Variants in TBC1D5 observed in about 807,000 individuals in gnomAD.
The protein encoded by TBC1D5 is TBC1 domain family, member 5.
Under a neutral mutation model 100.3 loss-of-function variants are expected in TBC1D5, and 75 were observed. That is an observed-to-expected ratio of 0.75 (90% confidence interval 0.62 to 0.91). The LOEUF is 0.91. Among genes scored for constraint, TBC1D5 ranks in the 40% least tolerant of loss-of-function variants. TBC1D5 has a pLI of 0.00. For missense variants in TBC1D5, 910 were observed against 942.4 expected, an observed-to-expected ratio of 0.97 and a Z score of 0.45; for synonymous variants, 323 against 325.6, an observed-to-expected ratio of 0.99 and a Z score of 0.09.
At chr3:17,238,897 T>TA (rs1282092774) in intron 16 of TBC1D5, among the ~76,000 whole-genome samples, 2 of 152,142 alleles carry the variant, frequency 1.3e-5, no homozygotes, top group Non-Finnish European at 2.9e-5. Flanking sequence ...GGCACATGGG[T>TA]ACTAGGTCAA....
At chr3:17,285,172 T>C (rs2081038133) in intron 15 of TBC1D5, among the ~76,000 whole-genome samples, 1 of 151,150 alleles carries the variant, frequency 6.6e-6, no homozygotes, top group Admixed American at 6.6e-5. Flanking sequence ...GACCGTCTGC[T>C]GGAAGCATTA....
chr3:17,242,243 A>G (rs1313786702), intron 16 of TBC1D5, among the ~76,000 whole-genome samples: 1 of 152,126 alleles, frequency 6.6e-6, no homozygotes, highest in African/African-American at 2.4e-5. Flanking sequence ...TTATCACATT[A>G]TCACCTCTAT....
intron 2 of TBC1D5, among the ~76,000 whole-genome samples, chr3:17,526,750 T>G (rs2153357637): frequency 6.6e-6 from 1 of 152,350 alleles, no homozygotes; most frequent in Admixed American, 6.5e-5. Flanking sequence ...CAGCACACTG[T>G]CACTACTCTA....
chr3:17,634,844 C>T (rs1443485872), intron 1 of TBC1D5, among the ~76,000 whole-genome samples: 2 of 152,030 alleles, frequency 1.3e-5, no homozygotes, highest in Non-Finnish European at 2.9e-5. Flanking sequence ...GTACCCTATA[C>T]TATGTACCCC....
At chr3:17,501,035 T>A (rs2095782183) in intron 3 of TBC1D5, among the ~76,000 whole-genome samples, 1 of 149,728 alleles carries the variant, frequency 6.7e-6, no homozygotes, top group Non-Finnish European at 1.5e-5. Flanking sequence ...ATTTTTAAAA[T>A]CCACGTATTT....
At chr3:17,667,023 G>A (rs2067342117) in intron 1 of TBC1D5, among the ~76,000 whole-genome samples, 1 of 152,120 alleles carries the variant, frequency 6.6e-6, no homozygotes, top group Non-Finnish European at 1.5e-5. Flanking sequence ...GACAGTGTGA[G>A]ATGTACATAT....
chr3:17,412,939 T>G (rs1484900536), intron 4 of TBC1D5, among the ~76,000 whole-genome samples: 3 of 152,086 alleles, frequency 2.0e-5, no homozygotes, highest in Admixed American at 1.3e-4. Flanking sequence ...TTCCTCAGAT[T>G]TTTAGTTTTT....
At chr3:17,480,084 C>T (rs1333434380) in intron 3 of TBC1D5, among the ~76,000 whole-genome samples, 2 of 152,322 alleles carry the variant, frequency 1.3e-5, no homozygotes, top group East Asian at 1.9e-4. Context: ...TGGCTGAGTC[C>T]GGGCACTATT....
chr3:17,521,952 G>A (rs942947637), intron 2 of TBC1D5, among the ~76,000 whole-genome samples: 1 of 152,052 alleles, frequency 6.6e-6, no homozygotes, highest in African/African-American at 2.4e-5. Flanking sequence ...TGCTGATGGA[G>A]TAGAAACTTC....
chr3:17,335,139 G>A (rs1002652898), intron 13 of TBC1D5, among the ~76,000 whole-genome samples: 1 of 152,064 alleles, frequency 6.6e-6, no homozygotes, highest in Non-Finnish European at 1.5e-5. Flanking sequence ...TTATTTTAAT[G>A]GATTGGTATT....
At position 17,244,626 on chromosome 3, in the gene TBC1D5, GGAAAAAATA is replaced by G. The variant is rs1407743311; in HGVS notation, c.1332-6216_1332-6208del. 3.3e-5 allele frequency among the ~76,000 whole-genome samples: 5 copies of G among 151,960 alleles called. No individual in the cohort carries two copies. In the East Asian group the frequency reaches 9.7e-4, roughly 29 times the overall value. ...AAACATTTAATGCAGTGGGATACTT[GGAAAAAATA>G]AATTGATGCCACTAAACATATATCT... On this transcript the variant is annotated intron_variant, in intron 16 of 21. Transcript: ENST00000253692.
chr3:17,509,605 A>G (rs1451979980), intron 2 of TBC1D5, among the ~76,000 whole-genome samples: 3 of 151,966 alleles, frequency 2.0e-5, no homozygotes, highest in African/African-American at 7.2e-5. Flanking sequence ...TCTTTTGTTA[A>G]TAGAGTTAAT....
intron 2 of TBC1D5, among the ~76,000 whole-genome samples, chr3:17,538,678 T>A (rs2096312033): frequency 6.6e-6 from 1 of 152,174 alleles, no homozygotes; most frequent in African/African-American, 2.4e-5. Flanking sequence ...CCATAAAGAT[T>A]CACCACTGCT....
intron 8 of TBC1D5, among the ~76,000 whole-genome samples, chr3:17,389,374 A>T (rs557777180): frequency 6.6e-6 from 1 of 152,112 alleles, no homozygotes; most frequent in African/African-American, 2.4e-5. Context: ...AAAGAGTCTG[A>T]CTCTCTTCCC....
Position 17,730,479 on chromosome 3 carries a change from G to A in TBC1D5, c.-101+8864C>T, listed in dbSNP as rs553163280. 1.2e-3 allele frequency among the ~76,000 whole-genome samples: 188 copies of A among 152,262 alleles called. 1 individual carries two copies. In the South Asian group the frequency reaches 0.038, roughly 31 times the overall value. ...CAGTCATGGCCAGGCCACAGGAAAAGGCCTCATTTAGTACCTCTAGTAAAT... is the reference window on the plus strand; with the variant it reads ...CAGTCATGGCCAGGCCACAGGAAAAAGCCTCATTTAGTACCTCTAGTAAAT... On this transcript the variant is annotated intron_variant, in intron 1 of 21. Coordinates refer to ENST00000253692, the Ensembl canonical transcript of TBC1D5.
intron 13 of TBC1D5, among the ~76,000 whole-genome samples, chr3:17,347,114 T>C (rs949021286): frequency 6.6e-6 from 1 of 152,212 alleles, no homozygotes; most frequent in African/African-American, 2.4e-5. Flanking sequence ...TTTACACAGA[T>C]TGCTTTTCAA....
intron 4 of TBC1D5, chr3:17,406,809 T>A: frequency 3.4e-6 from 1 of 296,964 alleles, no homozygotes; most frequent in Admixed American, 5.1e-5. Flanking sequence ...TACAGTTCAG[T>A]GAGTAAACAA....
intron 16 of TBC1D5, among the ~76,000 whole-genome samples, chr3:17,238,674 T>C (rs1479017304): frequency 6.6e-6 from 1 of 152,232 alleles, no homozygotes; most frequent in Non-Finnish European, 1.5e-5. Flanking sequence ...CCTGCTGGGT[T>C]ATGAGGACAT....
chr3:17,718,858 A>G (rs1486205643), intron 1 of TBC1D5, among the ~76,000 whole-genome samples: 2 of 152,146 alleles, frequency 1.3e-5, no homozygotes, highest in African/African-American at 2.4e-5. Flanking sequence ...AACCCTATAG[A>G]CAGATGACCC....
Sources: allele counts gnomAD v4.1 joint callset (sites outside exome capture counted in the v4.1 genomes callset), GRCh38; gene constraint gnomAD v4.1.1; transcripts MANE v1.5; gene names NCBI Gene and HGNC (gene_info 2026-07-23, HGNC 2026-07-21).